SLCO1C1: variants seen among roughly 807,000 people sequenced by gnomAD.
SLCO1C1 encodes solute carrier organic anion transporter family member 1C1.
SLCO1C1 carries 70 observed loss-of-function variants against 76.4 expected under a neutral mutation model. The ratio of observed to expected loss-of-function variants is 0.92; its 90% CI spans 0.76 to 1.12. The LOEUF is 1.12. SLCO1C1 is among the 50% of genes most tolerant of loss of function. The pLI is 0.00. For synonymous variants in SLCO1C1, 306 were observed against 286.1 expected (o/e 1.07, Z -0.70); for missense variants, 912 against 823.8 (o/e 1.11, Z -1.31).
intron 1 of SLCO1C1, among the ~76,000 whole-genome samples, chr12:20,698,552 A>G (rs1226268045): frequency 1.3e-5 from 2 of 152,104 alleles, no homozygotes; most frequent in Non-Finnish European, 2.9e-5. Flanking sequence ...AGTGAACACA[A>G]AACAAGCATT....
chr12:20,726,058 A>G (rs1446029110), intron 9 of SLCO1C1, among the ~76,000 whole-genome samples: 1 of 152,120 alleles, frequency 6.6e-6, no homozygotes, highest in Non-Finnish European at 1.5e-5. Context: ...GACTAAGCGT[A>G]AGTGGGCCAA....
intron 12 of SLCO1C1, among the ~76,000 whole-genome samples, chr12:20,742,644 C>T (rs1329429771): frequency 6.6e-6 from 1 of 152,058 alleles, no homozygotes; most frequent in Non-Finnish European, 1.5e-5. Flanking sequence ...CGCCATTCCC[C>T]TGCCTCAGCC....
At chr12:20,717,697 T>C (rs1947450318) in intron 7 of SLCO1C1, among the ~76,000 whole-genome samples, 1 of 115,960 alleles carries the variant, frequency 8.6e-6, no homozygotes, top group Non-Finnish European at 1.8e-5. Context: ...TTTTTTACTC[T>C]GCAAGTCATT....
chr12:20,705,840 C>A lies in SLCO1C1; in HGVS notation c.272-109C>A, dbSNP rs111488644. ...AAAAAATTAAATGATGCAGAGATGG[C>A]TTAGTTAAAAGAAAACATTGCTTGG... On this transcript the variant is annotated intron_variant, in intron 3 of 14. Transcript: ENST00000266509. 7.5e-3 allele frequency: 8,060 copies of A among 1,074,038 alleles called. 43 individuals carry two copies. The highest frequency in any genetic ancestry group is 0.024 in the Middle Eastern group (77 of 3,252). The allele number at this position is 1,074,038 out of a possible 1,614,324, so 66.5% of individuals were successfully genotyped here. A position where few individuals can be genotyped will look rare whatever the true frequency, so the allele number is the denominator to read the frequency against.
chr12:20,710,202 T>TC (rs1947011315), intron 4 of SLCO1C1, among the ~76,000 whole-genome samples: 1 of 128,772 alleles, frequency 7.8e-6, no homozygotes, highest in Non-Finnish European at 1.6e-5. Flanking sequence ...CTACTTTTCT[T>TC]TTTTTTTTTT....
chr12:20,746,462 A>G (rs925325418), intron 13 of SLCO1C1, among the ~76,000 whole-genome samples: 1 of 145,048 alleles, frequency 6.9e-6, no homozygotes, highest in Non-Finnish European at 1.5e-5. Flanking sequence ...AATACTTTCT[A>G]TAAGAAGCAT....
intron 13 of SLCO1C1, among the ~76,000 whole-genome samples, chr12:20,743,710 A>G (rs1170883652): frequency 2.4e-5 from 3 of 125,006 alleles, no homozygotes; most frequent in Non-Finnish European, 5.7e-5. Flanking sequence ...AATAAGTAAG[A>G]AAGGCTGAAG....
At chr12:20,738,086 T>TAAG (rs1948631088) in intron 11 of SLCO1C1, among the ~76,000 whole-genome samples, 1 of 152,034 alleles carries the variant, frequency 6.6e-6, no homozygotes, top group African/African-American at 2.4e-5. Flanking sequence ...TCTCTTCTTA[T>TAAG]AAGGGCACTA....
intron 14 of SLCO1C1, among the ~76,000 whole-genome samples, chr12:20,751,724 A>G (rs1164613353): frequency 2.6e-5 from 4 of 152,172 alleles, no homozygotes; most frequent in Non-Finnish European, 5.9e-5. Flanking sequence ...AACCAGAATG[A>G]GACATTCAAC....
chr12:20,723,319 G>C (rs1302957774), intron 9 of SLCO1C1, 65 bp downstream of exon 9: 14 of 1,537,786 alleles, frequency 9.1e-6, no homozygotes, highest in Admixed American at 2.3e-5. Context: ...ATTAACTCGG[G>C]AATCTTCGAG....
intron 11 of SLCO1C1, among the ~76,000 whole-genome samples, chr12:20,738,723 A>G (rs544951981): frequency 9.2e-5 from 14 of 152,330 alleles, no homozygotes; most frequent in Middle Eastern, 3.4e-3. Flanking sequence ...AAAAGACATT[A>G]CAAGGAAAGG....
chr12:20,718,381 AC>A (rs1480833213), intron 7 of SLCO1C1, among the ~76,000 whole-genome samples: 1 of 152,146 alleles, frequency 6.6e-6, no homozygotes, highest in African/African-American at 2.4e-5. Context: ...AGAAAACAAC[AC>A]CCACTTGGTT....
In SLCO1C1 at chr12:20,736,966, A is replaced by T. The variant is rs1948574453; in HGVS notation, c.1383-141A>T. 8.7e-6 allele frequency: 5 copies of T among 575,196 alleles called. No individual in the cohort carries two copies. In the East Asian group the frequency reaches 1.8e-4, roughly 20 times the overall value. 35.6% of individuals were successfully genotyped at this position (575,196 alleles called of 1,614,324 possible). ...TCACATTTCATGACCAGAAGCTGCCATTTCTGATGACAACTGTGTTTCTAA... is the reference window on the plus strand; with the variant it reads ...TCACATTTCATGACCAGAAGCTGCCTTTTCTGATGACAACTGTGTTTCTAA... On this transcript the variant is annotated intron_variant, in intron 10 of 14. Transcript: ENST00000266509.
chr12:20,718,677 T>C (rs1422857983), intron 7 of SLCO1C1, among the ~76,000 whole-genome samples: 3 of 152,146 alleles, frequency 2.0e-5, no homozygotes, highest in Non-Finnish European at 2.9e-5. Context: ...ACATTCAATA[T>C]GTAAATCAAA....
chr12:20,747,978 A>G (rs1192365757), intron 13 of SLCO1C1, among the ~76,000 whole-genome samples: 2 of 152,148 alleles, frequency 1.3e-5, no homozygotes, highest in Non-Finnish European at 1.5e-5. Flanking sequence ...AGACTACTGT[A>G]TTTCTTCTAT....
intron 5 of SLCO1C1, among the ~76,000 whole-genome samples, chr12:20,712,055 C>T (rs10770709): frequency 0.52 from 79,235 of 151,980 alleles, 22,306 homozygotes; most frequent in Admixed American, 0.68. Flanking sequence ...CTAAAACCCC[C>T]GTGGTCACAC....
At chr12:20,705,854 A>C (rs1351941416) in intron 3 of SLCO1C1, 95 bp from the exon 4 acceptor site, 2 of 1,262,792 alleles carry the variant, frequency 1.6e-6, no homozygotes, top group African/African-American at 1.5e-5. Flanking sequence ...GTTAAAAGAA[A>C]ACATTGCTTG....
In SLCO1C1 at chr12:20,719,009, A is replaced by G. The variant is rs1051566024; in HGVS notation, c.775+1779A>G. ...GGTCTGTGGCAACTCTGTGTTGAGC[A>G]AGTCTATAGGCACTATTTTTCCGAT... On this transcript the variant is annotated intron_variant, in intron 7 of 14. Coordinates refer to ENST00000266509, the MANE Select transcript of SLCO1C1 (RefSeq NM_017435.5). 2.5e-4 allele frequency among the ~76,000 whole-genome samples: 38 copies of G among 151,998 alleles called. 1 individual carries two copies. Among genetic ancestry groups the G allele is most frequent in the Non-Finnish European group, 4.0e-4 (27 of 68,016 alleles).
intron 12 of SLCO1C1, among the ~76,000 whole-genome samples, chr12:20,742,076 C>T (rs969820578): frequency 6.6e-6 from 1 of 152,110 alleles, no homozygotes; most frequent in African/African-American, 2.4e-5. Context: ...ACAGCTTTCA[C>T]CAAATATGGG....
Sources: gnomAD v4.1 joint callset for allele counts (sites outside exome capture counted in the v4.1 genomes callset) on GRCh38, gnomAD v4.1.1 for gene constraint, MANE v1.5 for transcripts, NCBI Gene and HGNC (gene_info 2026-07-23, HGNC 2026-07-21) for gene names.